Variants in ATG7 observed in about 807,000 individuals in gnomAD.
The protein encoded by ATG7 is autophagy related 7.
Under a neutral mutation model 82.4 loss-of-function variants are expected in ATG7, and 70 were observed. That is an observed-to-expected ratio of 0.85 (90% CI 0.70 to 1.04). The LOEUF (loss-of-function observed/expected upper bound fraction) is 1.04, where lower values mean the gene tolerates loss of function less well. Among genes scored for constraint, ATG7 ranks in the 50% least tolerant of loss-of-function variants. The pLI is 0.00. For missense variants in ATG7, 792 were observed against 864.3 expected (o/e 0.92, Z 1.05); for synonymous variants, 287 against 313.0 (o/e 0.92, Z 0.88).
intron 20 of ATG7, among the ~76,000 whole-genome samples, chr3:11,534,143 G>A (rs2092745231): frequency 6.6e-6 from 1 of 152,220 alleles, no homozygotes; most frequent in African/African-American, 2.4e-5. Flanking sequence ...CCCAGGGCTT[G>A]TCACCTGCAC....
chr3:11,574,367 G>A, the ATG7 span, among the ~76,000 whole-genome samples: 1 of 152,180 alleles, frequency 6.6e-6, no homozygotes, highest in Admixed American at 6.5e-5. Flanking sequence ...TGTCCTGTAT[G>A]CCTGTCATCC....
chr3:11,285,467 C>T (rs1011175494), intron 3 of ATG7, among the ~76,000 whole-genome samples: 8 of 152,068 alleles, frequency 5.3e-5, no homozygotes, highest in African/African-American at 1.9e-4. Flanking sequence ...GCCACTGCAC[C>T]CAGCCCTATT....
chr3:11,504,369 G>T (rs2091561943), intron 20 of ATG7, among the ~76,000 whole-genome samples: 1 of 152,176 alleles, frequency 6.6e-6, no homozygotes, highest in Non-Finnish European at 1.5e-5. Flanking sequence ...CAAAACATTT[G>T]TCTCCTAGTC....
rs188325955 is a variant in ATG7, at chr3:11,347,565, A to G, written c.1126-312A>G. Reference sequence around the variant, plus strand: ...TTGCTAATCTTTTTAAAACAACAACATAGACAATTCTTATGGGATTCACCT... The same window carrying G: ...TTGCTAATCTTTTTAAAACAACAACGTAGACAATTCTTATGGGATTCACCT... On this transcript the variant is annotated intron_variant, in intron 13 of 20. Transcript: ENST00000693202. Among the ~76,000 whole-genome samples, 16 of 152,344 alleles carry G rather than the reference A, an allele frequency of 1.1e-4. No individual in the cohort carries two copies. In the East Asian group the frequency reaches 2.5e-3, roughly 24 times the overall value.
chr3:11,504,147 C>A (rs757519939), intron 20 of ATG7, among the ~76,000 whole-genome samples: 1 of 151,928 alleles, frequency 6.6e-6, no homozygotes, highest in African/African-American at 2.4e-5. Flanking sequence ...AAAAGACAGT[C>A]GAGAGGGGGA....
rs111846771 is a variant in ATG7 at position 11,399,353 on chromosome 3, A to C, written c.1956+19301A>C. On this transcript the variant is annotated intron_variant, in intron 19 of 20. Transcript: ENST00000693202. Reference sequence around the variant, plus strand: ...AAAGAGTGAGACACTGTCTCAAAAAATAGAAAAATATAAATCGGATGGAAA... The same window carrying C: ...AAAGAGTGAGACACTGTCTCAAAAACTAGAAAAATATAAATCGGATGGAAA... 5.8e-3 allele frequency among the ~76,000 whole-genome samples: 888 copies of C among 152,322 alleles called. 7 individuals are homozygous for C. The highest frequency in any genetic ancestry group is 0.02 in the African/African-American group (821 of 41,576).
At chr3:11,370,706 CA>C (rs1394881263) in intron 18 of ATG7, among the ~76,000 whole-genome samples, 13 of 151,156 alleles carry the variant, frequency 8.6e-5, no homozygotes, top group African/African-American at 2.9e-4. Flanking sequence ...AAAACACCAC[CA>C]GGGGTGGGTG....
chr3:11,399,122 C>T (rs1008428224), intron 19 of ATG7, among the ~76,000 whole-genome samples: 4 of 152,130 alleles, frequency 2.6e-5, no homozygotes, highest in African/African-American at 7.2e-5. Flanking sequence ...CTGAGATAGG[C>T]GGATCACTTA....
chr3:11,510,282 A>G (rs1290282960), intron 20 of ATG7: 1 of 456,424 alleles, frequency 2.2e-6, no homozygotes, highest in Non-Finnish European at 4.4e-6. Flanking sequence ...ATAGATCTCT[A>G]CCAGCTCTCA....
At chr3:11,523,862 G>A (rs1324973450) in intron 20 of ATG7, among the ~76,000 whole-genome samples, 1 of 152,212 alleles carries the variant, frequency 6.6e-6, no homozygotes, top group Non-Finnish European at 1.5e-5. Flanking sequence ...GATGGGGAAA[G>A]CGGACCTGGA....
chr3:11,575,005 C>T, the ATG7 span, among the ~76,000 whole-genome samples: 4 of 147,180 alleles, frequency 2.7e-5, no homozygotes, highest in Non-Finnish European at 5.9e-5. Flanking sequence ...AGAATAAAGC[C>T]GCAGATCTTT....
At chr3:11,478,738 C>G (rs1046975522) in intron 20 of ATG7, among the ~76,000 whole-genome samples, 6 of 152,132 alleles carry the variant, frequency 3.9e-5, no homozygotes, top group African/African-American at 1.4e-4. Context: ...CAAACATGAT[C>G]TAATCAGTCT....
At chr3:11,559,972 A>G (rs1440783637), downstream of ATG7, among the ~76,000 whole-genome samples, 2 of 152,124 alleles carry the variant, frequency 1.3e-5, no homozygotes, top group African/African-American at 4.8e-5. Context: ...CAGAGAGGAA[A>G]TGGAGGAAAT....
chr3:11,470,760 C>T (rs1211689529), intron 20 of ATG7, among the ~76,000 whole-genome samples: 1 of 152,182 alleles, frequency 6.6e-6, no homozygotes, highest in East Asian at 1.9e-4. Context: ...CCTGAAGGGC[C>T]TCGGGAACTG....
chr3:11,462,312 A>G (rs1290133029), intron 20 of ATG7, among the ~76,000 whole-genome samples: 2 of 152,034 alleles, frequency 1.3e-5, no homozygotes, highest in Non-Finnish European at 2.9e-5. Flanking sequence ...CACAAGAAGG[A>G]GACACAGGAG....
chr3:11,545,375 C>G (rs1160089114), intron 20 of ATG7, among the ~76,000 whole-genome samples: 7 of 152,334 alleles, frequency 4.6e-5, no homozygotes, highest in African/African-American at 1.7e-4. Flanking sequence ...GTGACGGATA[C>G]CTGTGGGGAC....
chr3:11,552,009 G>T (rs990903079), intron 20 of ATG7, among the ~76,000 whole-genome samples: 1 of 151,978 alleles, frequency 6.6e-6, no homozygotes, highest in African/African-American at 2.4e-5. Flanking sequence ...TTGGCCTCCC[G>T]AAGTGCTGGG....
In ATG7 at chr3:11,556,078, A is replaced by G. The variant is rs967064715; in HGVS notation, c.*1235A>G. ...GCACACGTACACTATGTGGTTTAAG[A>G]GCACTTTATTATTGTTCTTAAGGCT... On this transcript the variant is annotated 3_prime_UTR_variant, in exon 21 of 21. Coordinates refer to ENST00000693202, the MANE Select transcript of ATG7 (RefSeq NM_001349232.2). 1 of 152,784 alleles carries G rather than the reference A, an allele frequency of 6.5e-6. No homozygotes were observed. The highest frequency in any genetic ancestry group is 2.4e-5 in the African/African-American group (1 of 41,456). The allele number at this position is 152,784 out of a possible 1,614,324, so 9.5% of individuals were successfully genotyped here.
chr3:11,531,985 A>G (rs1246561916), intron 20 of ATG7, among the ~76,000 whole-genome samples: 1 of 152,076 alleles, frequency 6.6e-6, no homozygotes, highest in Non-Finnish European at 1.5e-5. Context: ...AATTTCTCCC[A>G]GAATCTTCTC....
Sources: allele counts gnomAD v4.1 joint callset (sites outside exome capture counted in the v4.1 genomes callset), GRCh38; gene constraint gnomAD v4.1.1; transcripts MANE v1.5; gene names NCBI Gene and HGNC (gene_info 2026-07-23, HGNC 2026-07-21).